Variants in ST8SIA6 observed in about 807,000 individuals in gnomAD.
The protein encoded by ST8SIA6 is alpha-2,8-sialyltransferase 8F.
ST8SIA6 carries 39 observed loss-of-function variants against 33.6 expected under a neutral mutation model. The observed-to-expected ratio is 1.16, with a 90% CI of 0.90 to 1.52. The LOEUF (loss-of-function observed/expected upper bound fraction) is 1.52. ST8SIA6 is among the 40% of genes most tolerant of loss of function. The probability of loss-of-function intolerance (pLI) is 0.00; values close to 1 mark genes in which losing one functional copy is unlikely to be tolerated. For missense variants in ST8SIA6, 441 were observed against 443.8 expected, an observed-to-expected ratio of 0.99 and a Z score of 0.06; for synonymous variants, 172 against 167.2, an observed-to-expected ratio of 1.03 and a Z score of -0.22.
intron 2 of ST8SIA6, among the ~76,000 whole-genome samples, chr10:17,413,948 C>A (rs1435388258): frequency 6.6e-6 from 1 of 152,152 alleles, no homozygotes; most frequent in Admixed American, 6.5e-5. Flanking sequence ...TCAATACATT[C>A]TATTTATCCA....
chr10:17,433,156 T>G (rs1461225865), intron 2 of ST8SIA6, among the ~76,000 whole-genome samples: 1 of 152,184 alleles, frequency 6.6e-6, no homozygotes, highest in Non-Finnish European at 1.5e-5. Context: ...TTCTCTGGCT[T>G]CTTTATATGA....
rs1851616827 is a variant in ST8SIA6 at position 17,416,607 on chromosome 10, C to T, written c.201-25987G>A. Among the ~76,000 whole-genome samples, 3 of 152,146 alleles carry T rather than the reference C, an allele frequency of 2.0e-5. No homozygotes were observed. The South Asian group carries it at 6.2e-4, about 32-fold the overall frequency. ...TCATTCGGATTCCTGTCCTTCTCTT[C>T]TCTCCTATACCCGGGCTTTTGACGA... On this transcript the variant is annotated intron_variant, in intron 2 of 7. Coordinates refer to ENST00000377602, the MANE Select transcript of ST8SIA6 (RefSeq NM_001004470.3).
chr10:17,411,061 A>C (rs1468459833), intron 2 of ST8SIA6, among the ~76,000 whole-genome samples: 1 of 152,222 alleles, frequency 6.6e-6, no homozygotes, highest in African/African-American at 2.4e-5. Flanking sequence ...TCCTCAAAAA[A>C]GATGGAATAA....
At chr10:17,421,570 A>T (rs1851781927) in intron 2 of ST8SIA6, among the ~76,000 whole-genome samples, 1 of 147,964 alleles carries the variant, frequency 6.8e-6, no homozygotes, top group South Asian at 2.1e-4. Flanking sequence ...TCTTAAACTT[A>T]ATTTTTTTTT....
chr10:17,317,890 AT>A lies in ST8SIA6; in HGVS notation c.*2987del, dbSNP rs1847824978. Among the ~76,000 whole-genome samples the A allele has an allele frequency of 6.6e-6, 1 of 152,204 alleles. No individual in the cohort carries two copies. Among genetic ancestry groups the A allele is most frequent in the Non-Finnish European group, 1.5e-5 (1 of 68,024 alleles). ...TATCCTTTAGTGAAAGCCATGATCT[AT>A]TTGTCATTGCCTTTTGTTCCAAGGG... On this transcript the variant is annotated 3_prime_UTR_variant, in exon 8 of 8. Transcript: ENST00000377602.
At chr10:17,389,427 C>G (rs1850501360) in intron 3 of ST8SIA6, among the ~76,000 whole-genome samples, 1 of 152,140 alleles carries the variant, frequency 6.6e-6, no homozygotes, top group Non-Finnish European at 1.5e-5. Flanking sequence ...TATTTCCTTT[C>G]AGGGAGGTTA....
At chr10:17,325,709 C>T (rs528364802) in intron 6 of ST8SIA6, among the ~76,000 whole-genome samples, 1 of 152,204 alleles carries the variant, frequency 6.6e-6, no homozygotes, top group East Asian at 1.9e-4. Flanking sequence ...CCAAACACGT[C>T]TAGCCCTCAT....
rs575425946 is a variant in ST8SIA6 at position 17,414,771 on chromosome 10, A to G, written c.201-24151T>C. Among the ~76,000 whole-genome samples the G allele has an allele frequency of 4.6e-4, 70 of 152,312 alleles. 2 individuals carry two copies. The South Asian group carries it at 0.014, about 31-fold the overall frequency. ...AAGGGGTAGCTCTATGACCTCATTT[A>G]AATAGAATTATCTCCCTAAAGACCT... On this transcript the variant is annotated intron_variant, in intron 2 of 7. Coordinates refer to ENST00000377602, the MANE Select transcript of ST8SIA6 (RefSeq NM_001004470.3).
chr10:17,391,827 G>A (rs1003689689), intron 2 of ST8SIA6, among the ~76,000 whole-genome samples: 2 of 152,090 alleles, frequency 1.3e-5, no homozygotes, highest in Non-Finnish European at 2.9e-5. Flanking sequence ...ACCCACTCCA[G>A]GCATAGACTT....
intron 3 of ST8SIA6, among the ~76,000 whole-genome samples, chr10:17,387,315 G>T (rs774372422): frequency 2.0e-5 from 3 of 151,464 alleles, no homozygotes; most frequent in Non-Finnish European, 4.4e-5. Flanking sequence ...GCAGTGGCGT[G>T]ATCTTGGCTC....
intron 5 of ST8SIA6, among the ~76,000 whole-genome samples, chr10:17,329,771 A>C (rs1042991501): frequency 1.3e-5 from 2 of 152,188 alleles, no homozygotes; most frequent in African/African-American, 4.8e-5. Context: ...AATTTAAATA[A>C]ATTACAAATC....
At chr10:17,376,743 AT>A (rs1849928428) in intron 3 of ST8SIA6, among the ~76,000 whole-genome samples, 2 of 152,212 alleles carry the variant, frequency 1.3e-5, no homozygotes, top group African/African-American at 4.8e-5. Context: ...GCTATAAAGC[AT>A]TTTTAATACA....
intron 4 of ST8SIA6, among the ~76,000 whole-genome samples, chr10:17,344,760 G>A (rs776415345): frequency 5.3e-5 from 8 of 152,076 alleles, no homozygotes; most frequent in Admixed American, 1.3e-4. Context: ...TCCCTCCCTC[G>A]CAAGGGCCAG....
intron 2 of ST8SIA6, among the ~76,000 whole-genome samples, chr10:17,433,209 C>T (rs114311044): frequency 0.022 from 3,279 of 152,268 alleles, 43 homozygotes; most frequent in South Asian, 0.052. Context: ...ATAACCTGTA[C>T]CTTTCCTCAA....
At chr10:17,421,793 C>T (rs1851787246) in intron 2 of ST8SIA6, among the ~76,000 whole-genome samples, 1 of 152,140 alleles carries the variant, frequency 6.6e-6, no homozygotes, top group African/African-American at 2.4e-5. Flanking sequence ...TCTCAAACTC[C>T]TGAGCTCCAG....
intron 3 of ST8SIA6, among the ~76,000 whole-genome samples, chr10:17,377,997 T>C (rs1210933598): frequency 6.6e-6 from 1 of 152,176 alleles, no homozygotes; most frequent in Non-Finnish European, 1.5e-5. Flanking sequence ...AGGCAATTCA[T>C]GCCTGCTCTC....
At chr10:17,345,324 A>C (rs772108039) in intron 4 of ST8SIA6, among the ~76,000 whole-genome samples, 2 of 152,210 alleles carry the variant, frequency 1.3e-5, no homozygotes, top group Non-Finnish European at 2.9e-5. Context: ...AATTAAAGCA[A>C]AGTACAAGCA....
intron 2 of ST8SIA6, among the ~76,000 whole-genome samples, chr10:17,434,882 G>A (rs1297712581): frequency 8.5e-5 from 13 of 152,144 alleles, no homozygotes; most frequent in Non-Finnish European, 2.9e-5. Flanking sequence ...TTCTGGAGGT[G>A]GCCACCAGAA....
At chr10:17,322,189 A>G (rs1002454200) in intron 7 of ST8SIA6, among the ~76,000 whole-genome samples, 11 of 150,310 alleles carry the variant, frequency 7.3e-5, no homozygotes, top group African/African-American at 2.5e-4. Flanking sequence ...AAGGAGAGAA[A>G]GAGAGACAGA....
Sources: gnomAD v4.1 joint callset for allele counts (sites outside exome capture counted in the v4.1 genomes callset) on GRCh38, gnomAD v4.1.1 for gene constraint, MANE v1.5 for transcripts, NCBI Gene and HGNC (gene_info 2026-07-23, HGNC 2026-07-21) for gene names.